The following LRP1B variants were observed in gnomAD, a reference collection of about 807,000 sequenced individuals.
LRP1B encodes the protein low-density lipoprotein receptor-related protein 1B.
In LRP1B, 217 loss-of-function variants were observed where a neutral mutation model predicts 556.6. That is an observed-to-expected ratio of 0.39 (90% CI 0.35 to 0.44). The LOEUF is 0.44. Ranked by LOEUF, LRP1B falls within the 20% of genes least tolerant of loss-of-function variation. The pLI is 1.00. For missense variants in LRP1B, 5,053 were observed against 5,620.8 expected (o/e 0.90, Z 3.23); for synonymous variants, 2,047 against 1,865.8 (o/e 1.10, Z -2.50).
chr2:140,312,927 A>G (rs556475400), intron 83 of LRP1B, among the ~76,000 whole-genome samples: 11 of 152,102 alleles, frequency 7.2e-5, no homozygotes, highest in Admixed American at 2.0e-4. Context: ...AAACTTATAA[A>G]TTATAATTAA....
chr2:141,023,128 C>A (rs1313942900), intron 11 of LRP1B, among the ~76,000 whole-genome samples: 1 of 151,808 alleles, frequency 6.6e-6, no homozygotes, highest in African/African-American at 2.4e-5. Flanking sequence ...AAATAAACAG[C>A]CTTTTCTTGC....
rs114704078 is a variant in LRP1B, at chr2:142,009,682, C to A, written c.82+120966G>T. ...ACAAAATATTATCTATATTTTCAGGCTATATGATTTTATGCTGCATATATG... is the reference window on the plus strand; with the variant it reads ...ACAAAATATTATCTATATTTTCAGGATATATGATTTTATGCTGCATATATG... On this transcript the variant is annotated intron_variant, in intron 1 of 90. Coordinates refer to ENST00000389484, the MANE Select transcript of LRP1B (RefSeq NM_018557.3). Among the ~76,000 whole-genome samples, 754 of 152,192 alleles carry A rather than the reference C, an allele frequency of 5.0e-3. 4 individuals are homozygous for A. Among genetic ancestry groups the A allele is most frequent in the African/African-American group, 0.016 (675 of 41,536 alleles).
chr2:142,040,639 A>C (rs1190188844), intron 1 of LRP1B, among the ~76,000 whole-genome samples: 2 of 130,956 alleles, frequency 1.5e-5, no homozygotes, highest in East Asian at 4.7e-4. Flanking sequence ...TTTTTTTTTT[A>C]ATAGCTAGTT....
intron 84 of LRP1B, among the ~76,000 whole-genome samples, chr2:140,275,618 A>C (rs1479164992): frequency 6.6e-6 from 1 of 152,004 alleles, no homozygotes; most frequent in Non-Finnish European, 1.5e-5. Flanking sequence ...ACAACGAGTT[A>C]TGCCTCTCAT....
intron 21 of LRP1B, among the ~76,000 whole-genome samples, chr2:140,919,308 T>C (rs1488633083): frequency 6.6e-6 from 1 of 152,048 alleles, no homozygotes; most frequent in Non-Finnish European, 1.5e-5. Flanking sequence ...ACAACTTATA[T>C]TTTTTGTGTG....
Position 141,491,484 on chromosome 2 carries a change from T to C in LRP1B, c.206-10951A>G, listed in dbSNP as rs75435803. ...TTCCTCTTGTTCTTTGGGACTACTT[T>C]ACCTGTTCTAACTGGGTGATAGCTC... On this transcript the variant is annotated intron_variant, in intron 2 of 90. Transcript: ENST00000389484. Among the ~76,000 whole-genome samples, 655 of 136,012 alleles carry C rather than the reference T, an allele frequency of 4.8e-3. 8 individuals are homozygous for C. Among genetic ancestry groups the C allele is most frequent in the African/African-American group, 0.014 (585 of 40,472 alleles). The allele number at this position is 136,012 out of a possible 152,430, so 89.2% of individuals were successfully genotyped here. A position where few individuals can be genotyped will look rare whatever the true frequency, so the allele number is the denominator to read the frequency against.
At chr2:141,176,726 A>G (rs1014091004) in intron 7 of LRP1B, among the ~76,000 whole-genome samples, 1 of 152,122 alleles carries the variant, frequency 6.6e-6, no homozygotes, top group Non-Finnish European at 1.5e-5. Context: ...AAGAGAAAAA[A>G]AAAATGAATC....
chr2:140,514,908 A>G, intron 50 of LRP1B, 136 bp from the exon 51 acceptor site: 1 of 838,262 alleles, frequency 1.2e-6, no homozygotes, highest in Non-Finnish European at 1.7e-6. Context: ...CTTCTTTTCT[A>G]TGACAATTCT....
chr2:141,358,834 A>T (rs1299158890), intron 3 of LRP1B, among the ~76,000 whole-genome samples: 1 of 152,194 alleles, frequency 6.6e-6, no homozygotes, highest in African/African-American at 2.4e-5. Flanking sequence ...GCATAAATGG[A>T]TACATATAAA....
intron 32 of LRP1B, among the ~76,000 whole-genome samples, chr2:140,795,455 C>T (rs2380888): frequency 0.89 from 135,206 of 152,054 alleles, 60,439 homozygotes; most frequent in East Asian, 1. Flanking sequence ...AGAATATTTC[C>T]TGAATGGCTA....
chr2:140,840,127 A>G, intron 30 of LRP1B, 42 bp from the exon 31 acceptor site: 1 of 1,113,108 alleles, frequency 9.0e-7, no homozygotes, highest in Non-Finnish European at 1.3e-6. Flanking sequence ...TTAGATGTAG[A>G]CCTACTCACT....
chr2:141,214,719 G>A (rs372455354), intron 6 of LRP1B, among the ~76,000 whole-genome samples: 4 of 152,118 alleles, frequency 2.6e-5, no homozygotes, highest in South Asian at 2.1e-4. Context: ...TTGGTGTTAC[G>A]TCCCAAAATA....
At chr2:141,870,233 ACT>A (rs1698538765) in intron 1 of LRP1B, among the ~76,000 whole-genome samples, 1 of 151,666 alleles carries the variant, frequency 6.6e-6, no homozygotes, top group African/African-American at 2.4e-5. Context: ...TTTCAAAATG[ACT>A]CTTATTTTTA....
intron 77 of LRP1B, among the ~76,000 whole-genome samples, chr2:140,342,247 C>CA (rs771614275): frequency 0.059 from 8,113 of 138,110 alleles, 661 homozygotes; most frequent in African/African-American, 0.19. Context: ...ATATAACTAG[C>CA]AAAAAAAAAA....
intron 46 of LRP1B, among the ~76,000 whole-genome samples, chr2:140,536,052 C>T (rs1013430024): frequency 2.0e-5 from 3 of 152,116 alleles, no homozygotes; most frequent in East Asian, 3.9e-4. Context: ...CCAAAAATCA[C>T]GATGTTTCTG....
chr2:141,429,224 A>C (rs999494665), intron 3 of LRP1B, among the ~76,000 whole-genome samples: 3 of 152,226 alleles, frequency 2.0e-5, no homozygotes, highest in Non-Finnish European at 4.4e-5. Flanking sequence ...AGACCCTTAC[A>C]AATTTAATTT....
chr2:140,404,206 G>C (rs1383158063), intron 66 of LRP1B, among the ~76,000 whole-genome samples: 1 of 117,644 alleles, frequency 8.5e-6, no homozygotes, highest in Non-Finnish European at 1.6e-5. Flanking sequence ...ACAGAGTCTC[G>C]CTCTGTCTCC....
intron 1 of LRP1B, among the ~76,000 whole-genome samples, chr2:141,941,117 G>T (rs899161724): frequency 2.6e-5 from 4 of 152,146 alleles, no homozygotes; most frequent in Non-Finnish European, 5.9e-5. Context: ...TGGCCTGAAA[G>T]AATACAGCTT....
At chr2:140,590,699 C>T (rs1020878009) in intron 43 of LRP1B, among the ~76,000 whole-genome samples, 4 of 152,060 alleles carry the variant, frequency 2.6e-5, no homozygotes, top group African/African-American at 9.6e-5. Flanking sequence ...ATGCTGGCAC[C>T]CTGATGTCAG....
Sources: allele counts gnomAD v4.1 joint callset (sites outside exome capture counted in the v4.1 genomes callset), GRCh38; gene constraint gnomAD v4.1.1; transcripts MANE v1.5; gene names NCBI Gene and HGNC (gene_info 2026-07-23, HGNC 2026-07-21).